Variants in DNAH9 observed in about 807,000 individuals in gnomAD.
DNAH9 encodes DNAH9 variant protein.
In DNAH9, 345 loss-of-function variants were observed where a neutral mutation model predicts 471.6. That is an observed-to-expected ratio of 0.73 (90% CI 0.67 to 0.80). The LOEUF (loss-of-function observed/expected upper bound fraction) is 0.80. Among genes scored for constraint, DNAH9 ranks in the 30% least tolerant of loss-of-function variants. DNAH9 has a pLI of 0.00. For missense variants in DNAH9, 5,407 were observed against 5,609.2 expected (o/e 0.96, Z 1.15); for synonymous variants, 2,093 against 2,123.6 (o/e 0.99, Z 0.40).
intron 14 of DNAH9, among the ~76,000 whole-genome samples, chr17:11,653,880 C>T (rs1294417839): frequency 6.6e-6 from 1 of 152,108 alleles, no homozygotes; most frequent in Non-Finnish European, 1.5e-5. Context: ...GCTTTTCATT[C>T]GTCTTTCTTT....
rs1804795844 is a variant in DNAH9, at chr17:11,737,750, G to A, written c.5815-1130G>A. Among the ~76,000 whole-genome samples, 6 of 152,150 alleles carry A rather than the reference G, an allele frequency of 3.9e-5. No homozygotes were observed. In the South Asian group the frequency reaches 1.2e-3, roughly 32 times the overall value. ...GACTCCAGTCTACATTTAAGAGAAA[G>A]TCTGATTTTCTAAAGAAAAAAGCAC... On this transcript the variant is annotated intron_variant, in intron 28 of 68. Coordinates refer to ENST00000262442, the MANE Select transcript of DNAH9 (RefSeq NM_001372.4).
intron 61 of DNAH9, among the ~76,000 whole-genome samples, chr17:11,908,376 C>T (rs1437955002): frequency 6.6e-6 from 1 of 152,170 alleles, no homozygotes; most frequent in East Asian, 1.9e-4. Context: ...TCACATAATA[C>T]ATAGTAGTCA....
Position 11,875,115 on chromosome 17 carries a change from TACAA to T in DNAH9, c.10410_10413del (p.Gln3471AlafsTer27). 1 of 1,614,184 alleles carries T rather than the reference TACAA, an allele frequency of 6.2e-7. No individual in the cohort carries two copies. Among genetic ancestry groups the T allele is most frequent in the Non-Finnish European group, 8.5e-7 (1 of 1,180,028 alleles). On this transcript the variant is annotated frameshift_variant, in exon 53 of 69. Transcript: ENST00000262442. LOFTEE classifies it high-confidence loss of function. ...TGGCCACTCATGGTTGACCCTCAGC[TACAA>T]GGCATCAAATGGATCAAGAATAAAT...
At chr17:11,929,202 T>G (rs1033520718) in intron 62 of DNAH9, among the ~76,000 whole-genome samples, 2 of 150,482 alleles carry the variant, frequency 1.3e-5, no homozygotes, top group Non-Finnish European at 1.5e-5. Context: ...GCCCAGCTAA[T>G]TTTTTGTATT....
intron 59 of DNAH9, among the ~76,000 whole-genome samples, chr17:11,899,183 T>TA (rs3842381): frequency 0.013 from 1,899 of 151,140 alleles, 34 homozygotes; most frequent in African/African-American, 0.042. Flanking sequence ...CATGATTTTT[T>TA]AAAAAAAAAA....
chr17:11,693,839 G>T, intron 20 of DNAH9, 29 bp from the exon 21 acceptor site: 1 of 1,613,850 alleles, frequency 6.2e-7, no homozygotes, highest in South Asian at 1.1e-5. Context: ...TGGAGTGGTG[G>T]TTAATTGCTT....
At chr17:11,609,284 C>T (rs542974028) in intron 2 of DNAH9, among the ~76,000 whole-genome samples, 1 of 152,290 alleles carries the variant, frequency 6.6e-6, no homozygotes, top group South Asian at 2.1e-4. Context: ...CCTACATATA[C>T]AATTTGAAGT....
rs2074296527 is a variant in DNAH9 at position 11,689,516 on chromosome 17, G to T, written c.3744-50G>T. ...GGTTGCTACCTTAGAGATGCTAGGA[G>T]ATGGGCCCCTGCGTGCCATACTTAC... On this transcript the variant is annotated intron_variant, in intron 19 of 68. Coordinates refer to ENST00000262442, the MANE Select transcript of DNAH9 (RefSeq NM_001372.4). The T allele has an allele frequency of 2.6e-6, 4 of 1,512,992 alleles. No homozygotes were observed. In the East Asian group the frequency reaches 9.1e-5, roughly 34 times the overall value. 93.7% of individuals were successfully genotyped at this position (1,512,992 alleles called of 1,614,324 possible).
intron 67 of DNAH9, among the ~76,000 whole-genome samples, chr17:11,957,377 G>C (rs1975699484): frequency 6.6e-6 from 1 of 152,000 alleles, no homozygotes; most frequent in Non-Finnish European, 1.5e-5. Flanking sequence ...CAGGAAGATG[G>C]ATAGACTTAT....
In DNAH9 at chr17:11,704,239, G is replaced by T; in HGVS notation, c.5188G>T (p.Glu1730Ter). Residue 1730 changes from glutamate to a stop codon, truncating the protein, a stop_gained, in exon 25 of 69, where the codon GAA becomes TAA. Coordinates refer to ENST00000262442, the MANE Select transcript of DNAH9 (RefSeq NM_001372.4). LOFTEE classifies it high-confidence loss of function. ...LTCTQIWWTT[E>*]VGMAFARLEE... is the part of the protein sequence containing the mutation. ...CTGTACTCAGATCTGGTGGACAACA[G>T]AAGTGGGCATGGCATTTGCCAGGCT... 1 of 1,614,182 alleles carries T rather than the reference G, an allele frequency of 6.2e-7. No homozygotes were observed. Among genetic ancestry groups the T allele is most frequent in the Non-Finnish European group, 8.5e-7 (1 of 1,179,992 alleles).
At chr17:11,680,215 C>T (rs2074110956) in intron 18 of DNAH9, among the ~76,000 whole-genome samples, 1 of 149,896 alleles carries the variant, frequency 6.7e-6, no homozygotes, top group African/African-American at 2.5e-5. Context: ...AATTTTTCTC[C>T]ATAGAAATGA....
rs1396737417 is a variant in DNAH9 at position 11,619,558 on chromosome 17, A to T, written c.1127A>T (p.Tyr376Phe). Residue 376 changes from tyrosine to phenylalanine, a missense_variant, in exon 6 of 69, where the codon TAT becomes TTT. Tyr to Phe is a conservative substitution (Grantham distance 22, BLOSUM62 3). Transcript: ENST00000262442. The part of the protein sequence containing the change: ...CNLLIQQASN[Y>F]LSPEDLLRSE... ...CTGTTTGTATACCAGGCCTCTAATT[A>T]TCTCAGCCCAGAAGACCTGCTGAGA... 2 of 1,608,008 alleles carry T rather than the reference A, an allele frequency of 1.2e-6. No homozygotes were observed.
intron 32 of DNAH9, among the ~76,000 whole-genome samples, chr17:11,748,725 G>A (rs933987819): frequency 2.0e-5 from 3 of 152,118 alleles, no homozygotes; most frequent in Non-Finnish European, 4.4e-5. Flanking sequence ...GTAAAGGGTC[G>A]TTTGGCACTG....
At chr17:11,785,592 A>G (rs1968838566) in intron 41 of DNAH9, among the ~76,000 whole-genome samples, 1 of 152,174 alleles carries the variant, frequency 6.6e-6, no homozygotes, top group Admixed American at 6.5e-5. Context: ...CTCCACCTGA[A>G]GGTGGAATCA....
chr17:11,687,785 G>A (rs1250311043), intron 19 of DNAH9, among the ~76,000 whole-genome samples: 2 of 152,044 alleles, frequency 1.3e-5, no homozygotes, highest in Non-Finnish European at 2.9e-5. Context: ...AGTGGGGTTG[G>A]AGGAGAAAAT....
At chr17:11,607,273 T>C (rs1042791623) in intron 1 of DNAH9, among the ~76,000 whole-genome samples, 4 of 152,144 alleles carry the variant, frequency 2.6e-5, no homozygotes, top group Non-Finnish European at 5.9e-5. Context: ...ACACCCAACA[T>C]AGGACAGACA....
rs188295218 is a variant in DNAH9, at chr17:11,803,729, G to C, written c.8421-4003G>C. On this transcript the variant is annotated intron_variant, in intron 43 of 68. Transcript: ENST00000262442. ...TTCCCATTGAGATATTGAATGGCATGGGCCATGCTAAGCTGAGTTCAGGCC... is the reference window on the plus strand; with the variant it reads ...TTCCCATTGAGATATTGAATGGCATCGGCCATGCTAAGCTGAGTTCAGGCC... Among the ~76,000 whole-genome samples the C allele has an allele frequency of 2.2e-4, 33 of 152,330 alleles. 1 individual carries two copies. Among genetic ancestry groups the C allele is most frequent in the Admixed American group, 1.9e-3 (29 of 15,306 alleles).
chr17:11,638,742 C>G (rs73975040), intron 9 of DNAH9, among the ~76,000 whole-genome samples: 2,039 of 152,240 alleles, frequency 0.013, 41 homozygotes, highest in African/African-American at 0.047. Flanking sequence ...GTTCTCTACT[C>G]AGAGAGAATC....
intron 52 of DNAH9, chr17:11,873,517 A>G (rs577003250): frequency 5.9e-5 from 9 of 152,248 alleles, no homozygotes; most frequent in South Asian, 2.1e-4. Flanking sequence ...AGGATGGGAG[A>G]TGGTTTGGAG....
Sources: allele counts gnomAD v4.1 joint callset (sites outside exome capture counted in the v4.1 genomes callset), GRCh38; gene constraint gnomAD v4.1.1; transcripts MANE v1.5; gene names NCBI Gene and HGNC (gene_info 2026-07-23, HGNC 2026-07-21).